The following ESRRG variants were observed in gnomAD, a reference collection of about 807,000 sequenced individuals.
The protein encoded by ESRRG is estrogen related receptor gamma, also known as estrogen-related receptor gamma.
A neutral mutation model predicts 44.0 loss-of-function variants in ESRRG; 13 were observed. The observed-to-expected ratio is 0.30, with a 90% confidence interval of 0.19 to 0.47. The LOEUF (loss-of-function observed/expected upper bound fraction) is 0.47. Ranked by LOEUF, ESRRG falls within the 20% of genes least tolerant of loss-of-function variation. The probability of loss-of-function intolerance (pLI) is 1.00; values close to 1 mark genes in which losing one functional copy is unlikely to be tolerated. For missense variants in ESRRG, 395 were observed against 580.6 expected, an observed-to-expected ratio of 0.68 and a Z score of 3.29; for synonymous variants, 215 against 214.6, an observed-to-expected ratio of 1.00 and a Z score of -0.02.
chr1:216,948,349 C>T (rs189505399), intron 1 of ESRRG, among the ~76,000 whole-genome samples: 2 of 151,248 alleles, frequency 1.3e-5, no homozygotes, highest in Admixed American at 6.6e-5. Flanking sequence ...TGGTGGTGCA[C>T]GCCTGTAATC....
chr1:216,964,314 C>T (rs760628224), intron 1 of ESRRG, among the ~76,000 whole-genome samples: 33 of 152,132 alleles, frequency 2.2e-4, no homozygotes, highest in Non-Finnish European at 4.0e-4. Flanking sequence ...GCCTTAGCTG[C>T]TTTGCAATGA....
At chr1:217,092,774 C>T (rs1325436826), upstream of ESRRG, among the ~76,000 whole-genome samples, 1 of 152,236 alleles carries the variant, frequency 6.6e-6, no homozygotes, top group Non-Finnish European at 1.5e-5. Context: ...CACTGGCTCT[C>T]ATTAAATACC....
intron 3 of ESRRG, among the ~76,000 whole-genome samples, chr1:216,597,745 G>T (rs966910833): frequency 7.9e-5 from 12 of 152,108 alleles, no homozygotes; most frequent in Admixed American, 5.2e-4. Flanking sequence ...GAAGGGACTT[G>T]GTCCTGTAGA....
intron 2 of ESRRG, among the ~76,000 whole-genome samples, chr1:216,820,498 G>A (rs1423377990): frequency 2.0e-5 from 3 of 152,056 alleles, no homozygotes; most frequent in East Asian, 1.9e-4. Context: ...TCTTATCTAC[G>A]ACATGATATC....
At chr1:216,835,518 T>C (rs12758273) in intron 2 of ESRRG, among the ~76,000 whole-genome samples, 69,291 of 151,726 alleles carry the variant, frequency 0.46, 17,255 homozygotes, top group African/African-American at 0.66. Flanking sequence ...TCTCATCTAC[T>C]TATAAAGTTA....
At chr1:216,940,051 T>C (rs1208919673) in intron 1 of ESRRG, among the ~76,000 whole-genome samples, 1 of 152,172 alleles carries the variant, frequency 6.6e-6, no homozygotes, top group Non-Finnish European at 1.5e-5. Context: ...AAAAAATTCT[T>C]CCAAGACCAA....
intron 2 of ESRRG, among the ~76,000 whole-genome samples, chr1:216,741,220 ATATAATTTATATT>A (rs1213491312): frequency 6.8e-6 from 1 of 146,924 alleles, no homozygotes; most frequent in African/African-American, 2.5e-5. Flanking sequence ...AATTTATATT[ATATAATTTATATT>A]TATAATTTAT....
At chr1:216,783,157 G>A (rs910931257) in intron 2 of ESRRG, among the ~76,000 whole-genome samples, 1 of 151,920 alleles carries the variant, frequency 6.6e-6, no homozygotes, top group African/African-American at 2.4e-5. Context: ...TGCTTTTCAG[G>A]TGAGAACTTA....
intron 3 of ESRRG, among the ~76,000 whole-genome samples, chr1:216,631,606 A>G (rs1243972256): frequency 6.6e-6 from 1 of 152,152 alleles, no homozygotes; most frequent in Non-Finnish European, 1.5e-5. Flanking sequence ...GTGTTAATGC[A>G]AAAAACCTAA....
chr1:216,765,306 T>C (rs542161395), intron 2 of ESRRG, among the ~76,000 whole-genome samples: 2 of 152,068 alleles, frequency 1.3e-5, no homozygotes, highest in Admixed American at 1.3e-4. Flanking sequence ...ATAATAATGA[T>C]GATAATGGCT....
chr1:216,702,396 A>G (rs2081539417), intron 1 of ESRRG, among the ~76,000 whole-genome samples: 1 of 152,156 alleles, frequency 6.6e-6, no homozygotes, highest in South Asian at 2.1e-4. Context: ...TTATGAAAAT[A>G]AACCCACTCT....
chr1:217,068,005 C>A (rs962573942), intron 1 of ESRRG, among the ~76,000 whole-genome samples: 1 of 152,158 alleles, frequency 6.6e-6, no homozygotes, highest in African/African-American at 2.4e-5. Context: ...ATGTTACTGA[C>A]AGGGATTACT....
chr1:216,507,035 G>A lies in ESRRG; in HGVS notation c.1281C>T (p.Thr427=), dbSNP rs1442441897. 4 of 1,613,998 alleles carry A rather than the reference G, an allele frequency of 2.5e-6. No homozygotes were observed. The Admixed American group carries it at 6.7e-5, about 27-fold the overall frequency. The change falls in exon 7 of 7, where the codon ACC becomes ACT. Residue 427 remains threonine (T), a synonymous_variant. Transcript: ENST00000408911. The part of the protein sequence containing the change: ...MLMTLPLLRQ[T]STKAVQHFYN... The stretch of plus-strand genomic sequence containing the variant: ...AGAAATGCTGCACGGCCTTGGTAGA[G>A]GTCTGCCTCAGGAGTGGCAGTGTCA...
chr1:217,073,366 C>T (rs528758905), intron 1 of ESRRG, among the ~76,000 whole-genome samples: 3 of 152,200 alleles, frequency 2.0e-5, no homozygotes, highest in African/African-American at 7.2e-5. Flanking sequence ...CACAGAGAAG[C>T]CATCCTACTG....
At chr1:216,724,362 A>ATTTT (rs35611593), upstream of ESRRG, among the ~76,000 whole-genome samples, 94 of 143,090 alleles carry the variant, frequency 6.6e-4, 1 homozygote, top group Admixed American at 2.5e-3. Context: ...TAAAGACAGC[A>ATTTT]TTTTTTTTTT....
intron 2 of ESRRG, among the ~76,000 whole-genome samples, chr1:216,885,832 C>T (rs988640128): frequency 2.6e-5 from 4 of 152,020 alleles, no homozygotes; most frequent in South Asian, 2.1e-4. Context: ...GGCCCTCCTC[C>T]CTCCCTCAGA....
intron 1 of ESRRG, among the ~76,000 whole-genome samples, chr1:217,073,401 G>T (rs1468408459): frequency 6.6e-6 from 1 of 152,006 alleles, no homozygotes; most frequent in Non-Finnish European, 1.5e-5. Flanking sequence ...GAGTTTCAAA[G>T]CTTTCACTAC....
chr1:217,098,087 G>A (rs1375412400), intron 1 of ESRRG, among the ~76,000 whole-genome samples: 4 of 152,108 alleles, frequency 2.6e-5, no homozygotes, highest in Non-Finnish European at 1.5e-5. Flanking sequence ...TGGGCCTGTG[G>A]CCAGTTAATT....
chr1:216,753,854 A>C (rs1166280033), intron 2 of ESRRG, among the ~76,000 whole-genome samples: 5 of 152,010 alleles, frequency 3.3e-5, no homozygotes, highest in African/African-American at 1.2e-4. Flanking sequence ...AGTCGTAAGA[A>C]GGACCGGGTG....
Sources: allele counts gnomAD v4.1 joint callset (sites outside exome capture counted in the v4.1 genomes callset), GRCh38; gene constraint gnomAD v4.1.1; transcripts MANE v1.5; gene names NCBI Gene and HGNC (gene_info 2026-07-23, HGNC 2026-07-21).